Variants in MEN1 observed in about 807,000 individuals in gnomAD.
MEN1 encodes the protein menin.
Under a neutral mutation model 58.0 loss-of-function variants are expected in MEN1, and 6 were observed. That is an observed-to-expected ratio of 0.10 (90% CI 0.06 to 0.20). The LOEUF (loss-of-function observed/expected upper bound fraction) is 0.20. Among genes scored for constraint, MEN1 ranks in the 10% least tolerant of loss-of-function variants. The pLI, the probability that MEN1 is intolerant of heterozygous loss-of-function variation, is 1.00. For synonymous variants in MEN1, 346 were observed against 350.7 expected, an observed-to-expected ratio of 0.99 and a Z score of 0.15; for missense variants, 492 against 818.5, an observed-to-expected ratio of 0.60 and a Z score of 4.87.
intron 7 of MEN1, 79 bp downstream of exon 7, chr11:64,806,153 C>T (rs1001813172): frequency 6.3e-7 from 1 of 1,578,812 alleles, no homozygotes; most frequent in Non-Finnish European, 8.7e-7. Context: ...AGCCAGGCCT[C>T]AGTCCTGGAC....
rs1313339255 is a variant in MEN1 at position 64,809,867 on chromosome 11, G to C, written c.243C>G (p.Ala81=). ...PPGGLTYFPV[A]DLSIIAALYA... is the part of the protein sequence containing the mutation. ...AGAGGGCGGCGATGATAGACAGGTC[G>C]GCCACGGGAAAGTAGGTGAGGCCGC... The change falls in exon 2 of 10, where the codon GCC becomes GCG. Residue 81 remains alanine, a synonymous_variant. Coordinates refer to ENST00000450708, the MANE Select transcript of MEN1 (RefSeq NM_001370259.2). 1 of 1,608,084 alleles carries C rather than the reference G, an allele frequency of 6.2e-7. No individual in the cohort carries two copies. The highest frequency in any genetic ancestry group is 1.7e-4 in the Middle Eastern group (1 of 6,054).
chr11:64,804,629 C>A lies in MEN1; in HGVS notation c.1538G>T (p.Gly513Val). The A allele has an allele frequency of 6.2e-7, 1 of 1,606,274 alleles. No individual in the cohort carries two copies. The highest frequency in any genetic ancestry group is 8.5e-7 in the Non-Finnish European group (1 of 1,177,974). Residue 513 changes from glycine (G) to valine (V), a missense_variant, in exon 10 of 10, where the codon GGA (glycine) becomes GTA (valine). By Grantham distance (109) the Gly-to-Val change is moderately radical. Coordinates refer to ENST00000450708, the MANE Select transcript of MEN1 (RefSeq NM_001370259.2). This position sits in a 1 kb window ranked among gnomAD's most constrained non-coding sequence, Gnocchi z 4.2. ...GLGTGQGAVS[G>V]PPRKPPGTVA... Reference sequence around the variant, plus strand: ...AGTCCCAGGAGGCTTCCGGGGGGGTCCTGACACTGCACCCTGGCCGGTGCC... The same window carrying A: ...AGTCCCAGGAGGCTTCCGGGGGGGTACTGACACTGCACCCTGGCCGGTGCC...
At position 64,805,742 on chromosome 11, in the gene MEN1, TCTC is replaced by T. The variant is rs1060499971; in HGVS notation, c.1075_1077del (p.Glu359del). ...GCTACTTCAAAGAACTCCTTGTAGATCTCCTCGTCTTCCCGGCAGTAGTTGTAG... is the reference window on the plus strand; with the variant it reads ...GCTACTTCAAAGAACTCCTTGTAGATCTCGTCTTCCCGGCAGTAGTTGTAG... On this transcript the variant is annotated inframe_deletion, in exon 8 of 10. Transcript: ENST00000450708. The T allele has an allele frequency of 6.2e-7, 1 of 1,614,148 alleles. No homozygotes were observed. Among genetic ancestry groups the T allele is most frequent in the Non-Finnish European group, 8.5e-7 (1 of 1,180,012 alleles).
Position 64,807,650 on chromosome 11 carries a change from G to A in MEN1, c.685C>T (p.Arg229Cys), listed in dbSNP as rs754378887. ...GCCACCTCCATCTTGCGGTCACAGC[G>A]CATGTATGATCCTTTCAGGTACAGC... The part of the protein sequence containing the change: ...SWLYLKGSYM[R>C]CDRKMEVAFM... Residue 229 changes from arginine (R) to cysteine (C), a missense_variant, in exon 4 of 10, where the codon CGC (arginine) becomes TGC (cysteine). This residue lies in a region of MEN1 where 335 missense variants were observed against 550.3 expected (regional missense o/e 0.61). Transcript: ENST00000450708. The surrounding 1 kb of genome is among the most constrained non-coding windows in gnomAD (Gnocchi z 4.9). 24 of 1,614,048 alleles carry A rather than the reference G, an allele frequency of 1.5e-5. No individual in the cohort carries two copies. Among genetic ancestry groups the A allele is most frequent in the Admixed American group, 1.2e-4 (7 of 60,010 alleles).
In MEN1 at chr11:64,807,020, G is replaced by A. The variant is rs1592646283; in HGVS notation, c.903C>T (p.Leu301=). Residue 301 remains leucine, a synonymous_variant, in exon 6 of 10, where the codon CTC becomes CTT. Transcript: ENST00000450708. This position sits in a 1 kb window ranked among gnomAD's most constrained non-coding sequence, Gnocchi z 4.9. The stretch of plus-strand genomic sequence containing the variant: ...CCTTAGATGCCCCCACCTTGTGGTA[G>A]AGGGTGAGTGGGTCTGGCCGGCCAG... ...PTPGRPDPLT[L]YHKGIASAKT... is the part of the protein sequence containing the mutation. 2 of 1,612,870 alleles carry A rather than the reference G, an allele frequency of 1.2e-6. No individual in the cohort carries two copies. The highest frequency in any genetic ancestry group is 2.0e-4 in the Middle Eastern group (1 of 5,032).
At position 64,806,348 on chromosome 11, in the gene MEN1, G is replaced by A; in HGVS notation, c.933C>T (p.Thr311=). 11 of 1,614,204 alleles carry A rather than the reference G, an allele frequency of 6.8e-6. No homozygotes were observed. Among genetic ancestry groups the A allele is most frequent in the Non-Finnish European group, 9.3e-6 (11 of 1,180,008 alleles). Reference sequence around the variant, plus strand: ...GGTAGATGTGTTCATCCCGATAGTAGGTCTTGGCTGAGGCAATGCCCTGGA... The same window carrying A: ...GGTAGATGTGTTCATCCCGATAGTAAGTCTTGGCTGAGGCAATGCCCTGGA... The part of the protein sequence containing the change: ...LYHKGIASAK[T]YYRDEHIYPY... The change falls in exon 7 of 10, where the codon ACC becomes ACT. Residue 311 remains threonine (T), a synonymous_variant. Transcript: ENST00000450708.
rs548368376 is a variant in MEN1 at position 64,803,691 on chromosome 11, G to C, written c.*643C>G. On this transcript the variant is annotated 3_prime_UTR_variant, in exon 10 of 10. Transcript: ENST00000450708. ...CCCAGAGGGTCGGAAGGGAGGTCCT[G>C]CTCTGATCCGGGGCCAGTTTCGTCA... 1 of 242,446 alleles carries C rather than the reference G, an allele frequency of 4.1e-6. No homozygotes were observed. The highest frequency in any genetic ancestry group is 5.1e-5 in the Admixed American group (1 of 19,768). 15.0% of individuals were successfully genotyped at this position (242,446 alleles called of 1,614,324 possible).
At position 64,804,276 on chromosome 11, in the gene MEN1, G is replaced by T; in HGVS notation, c.*58C>A. On this transcript the variant is annotated 3_prime_UTR_variant, in exon 10 of 10. Transcript: ENST00000450708. The surrounding 1 kb of genome is among the most constrained non-coding windows in gnomAD (Gnocchi z 4.2). ...GCTGGGGGCAGAACATGGGCTCAGAGTTGGGGGACTAAGGGCGGAGCCTGG... is the reference window on the plus strand; with the variant it reads ...GCTGGGGGCAGAACATGGGCTCAGATTTGGGGGACTAAGGGCGGAGCCTGG... 1 of 1,612,426 alleles carries T rather than the reference G, an allele frequency of 6.2e-7. No individual in the cohort carries two copies. Among genetic ancestry groups the T allele is most frequent in the Non-Finnish European group, 8.5e-7 (1 of 1,179,054 alleles).
upstream of MEN1, chr11:64,810,806 G>A (rs1565654747): frequency 6.6e-6 from 1 of 152,196 alleles, no homozygotes; most frequent in South Asian, 2.1e-4. Context: ...AATGTAGTCC[G>A]GGGGCACTAC....
intron 2 of MEN1, among the ~76,000 whole-genome samples, chr11:64,809,443 G>A (rs959730457): frequency 6.6e-6 from 1 of 152,116 alleles, no homozygotes; most frequent in African/African-American, 2.4e-5. Flanking sequence ...TGAGGTTGAT[G>A]ATTTGGAGCC....
At chr11:64,809,033 G>A (rs1207180) in intron 2 of MEN1, among the ~76,000 whole-genome samples, 4 of 151,760 alleles carry the variant, frequency 2.6e-5, no homozygotes, top group Non-Finnish European at 4.4e-5. Context: ...AGACTGAGGC[G>A]GGCAGATCAC....
At chr11:64,805,865 G>C (rs987138063) in intron 7 of MEN1, 95 bp from the exon 8 acceptor site, 26 of 1,294,108 alleles carry the variant, frequency 2.0e-5, no homozygotes, top group Non-Finnish European at 2.7e-5. Flanking sequence ...CCCAGGGGCT[G>C]GGGGAGTAGG....
chr11:64,808,789 C>CA (rs920887498), intron 2 of MEN1, among the ~76,000 whole-genome samples: 8 of 149,684 alleles, frequency 5.3e-5, no homozygotes, highest in African/African-American at 9.8e-5. Flanking sequence ...ACTAAAAATC[C>CA]AAAAAAAAAT....
In MEN1 at chr11:64,805,785, G is replaced by C. The variant is rs1465460248; in HGVS notation, c.1050-15C>G. 1 of 1,613,912 alleles carries C rather than the reference G, an allele frequency of 6.2e-7. No individual in the cohort carries two copies. Among genetic ancestry groups the C allele is most frequent in the African/African-American group, 1.3e-5 (1 of 74,920 alleles). Reference sequence around the variant, plus strand: ...AGTAGTTGTAGCTGTGAGAGCAGTGGGGTCTCTGTAGGGTCTGAAGGGGTC... The same window carrying C: ...AGTAGTTGTAGCTGTGAGAGCAGTGCGGTCTCTGTAGGGTCTGAAGGGGTC... On this transcript the variant is annotated splice_polypyrimidine_tract_variant and intron_variant, in intron 7 of 9. Coordinates refer to ENST00000450708, the MANE Select transcript of MEN1 (RefSeq NM_001370259.2).
At position 64,807,629 on chromosome 11, in the gene MEN1, C is replaced by T; in HGVS notation, c.706G>A (p.Val236Met). The change falls in exon 4 of 10, where the codon GTG (valine) becomes ATG (methionine). Residue 236 changes from valine to methionine, a missense_variant. Physicochemically the swap from Val to Met is conservative, Grantham distance 21 (BLOSUM62 1). Transcript: ENST00000450708. The surrounding 1 kb of genome is among the most constrained non-coding windows in gnomAD (Gnocchi z 4.9). ...TTGATGGCACACACCATGAACGCCA[C>T]CTCCATCTTGCGGTCACAGCGCATG... ...SYMRCDRKME[V>M]AFMVCAINPS... The T allele has an allele frequency of 1.2e-6, 2 of 1,614,218 alleles. No homozygotes were observed. The highest frequency in any genetic ancestry group is 1.7e-6 in the Non-Finnish European group (2 of 1,180,036).
chr11:64,805,539 C>T, intron 8 of MEN1, 96 bp downstream of exon 8: 1 of 1,494,664 alleles, frequency 6.7e-7, no homozygotes, highest in South Asian at 1.2e-5. Context: ...CTTCCTCCTG[C>T]CATCCCTAAT....
chr11:64,809,298 A>T (rs1182190922), intron 2 of MEN1, among the ~76,000 whole-genome samples: 1 of 149,434 alleles, frequency 6.7e-6, no homozygotes, highest in Non-Finnish European at 1.5e-5. Context: ...CATAGCCATT[A>T]TTTTGTTTAA....
rs755168633 is a variant in MEN1, at chr11:64,805,699, T to G, written c.1121A>C (p.Asn374Thr). ...FFEVANDVIP[N>T]LLKEAASLLE... is the part of the protein sequence containing the mutation. The stretch of plus-strand genomic sequence containing the variant: ...CAAGCTGGCTGCCTCCTTCAGCAGG[T>G]TGGGGATGACATCATTGGCTACTTC... Residue 374 changes from asparagine (N) to threonine (T), a missense_variant, in exon 8 of 10, where the codon AAC (asparagine) becomes ACC (threonine). Transcript: ENST00000450708. The G allele has an allele frequency of 6.2e-6, 10 of 1,613,896 alleles. No individual in the cohort carries two copies.
chr11:64,805,982 T>C (rs1163350209), intron 7 of MEN1: 7 of 650,422 alleles, frequency 1.1e-5, no homozygotes, highest in East Asian at 2.7e-5. Flanking sequence ...TGCTGGATGA[T>C]GGTGGTTAAA....
Sources: gnomAD v4.1 joint callset for allele counts (sites outside exome capture counted in the v4.1 genomes callset) on GRCh38, gnomAD v4.1.1 for gene constraint, gnomAD v4.1.1 regional missense constraint, Gnocchi (gnomAD v3.1) non-coding constraint, MANE v1.5 for transcripts, NCBI Gene and HGNC (gene_info 2026-07-23, HGNC 2026-07-21) for gene names.